GRIK2: variants seen among roughly 807,000 people sequenced by gnomAD.
GRIK2 encodes the protein glutamate receptor ionotropic, kainate 2.
A neutral mutation model predicts 100.3 loss-of-function variants in GRIK2; 32 were observed. That is an observed-to-expected ratio of 0.32 (90% CI 0.24 to 0.43). GRIK2 has a LOEUF of 0.43. Among genes scored for constraint, GRIK2 ranks in the 20% least tolerant of loss-of-function variants. GRIK2 has a pLI of 1.00. For missense variants in GRIK2, 843 were observed against 1,114.9 expected (o/e 0.76, Z 3.47); for synonymous variants, 417 against 389.4 (o/e 1.07, Z -0.83).
intron 7 of GRIK2, among the ~76,000 whole-genome samples, chr6:101,699,680 T>C (rs1772744972): frequency 6.6e-6 from 1 of 151,978 alleles, no homozygotes; most frequent in South Asian, 2.1e-4. Context: ...TACTAAGGAG[T>C]GAAGGACAGA....
intron 7 of GRIK2, among the ~76,000 whole-genome samples, chr6:101,787,549 T>C (rs948168309): frequency 1.3e-5 from 2 of 152,190 alleles, no homozygotes; most frequent in Non-Finnish European, 2.9e-5. Context: ...CTTAATTTAC[T>C]CCATGACCTA....
intron 14 of GRIK2, among the ~76,000 whole-genome samples, chr6:101,994,463 A>AGAAAT (rs1412841573): frequency 6.6e-6 from 1 of 151,904 alleles, no homozygotes; most frequent in Non-Finnish European, 1.5e-5. Context: ...AAATTATGGT[A>AGAAAT]GAAATGAACT....
At chr6:101,716,170 T>G (rs1325333518) in intron 7 of GRIK2, among the ~76,000 whole-genome samples, 1 of 151,782 alleles carries the variant, frequency 6.6e-6, no homozygotes, top group African/African-American at 2.4e-5. Context: ...CTTATGTTCT[T>G]TCAGACCATA....
chr6:101,506,079 A>T (rs1374350914), intron 2 of GRIK2, among the ~76,000 whole-genome samples: 1 of 152,108 alleles, frequency 6.6e-6, no homozygotes, highest in Non-Finnish European at 1.5e-5. Flanking sequence ...CCTTGCTTTC[A>T]TTCAATGAAA....
intron 7 of GRIK2, among the ~76,000 whole-genome samples, chr6:101,718,500 G>A (rs1398819532): frequency 6.6e-6 from 1 of 151,884 alleles, no homozygotes; most frequent in Non-Finnish European, 1.5e-5. Context: ...AAGTATGCAA[G>A]TACTATAAAT....
At chr6:101,753,518 A>G (rs1776934117) in intron 7 of GRIK2, among the ~76,000 whole-genome samples, 2 of 152,082 alleles carry the variant, frequency 1.3e-5, no homozygotes, top group African/African-American at 4.8e-5. Flanking sequence ...TAGATACGTA[A>G]TTATGAATAC....
chr6:101,430,948 A>G (rs1769348508), intron 2 of GRIK2: 2 of 314,634 alleles, frequency 6.4e-6, no homozygotes, highest in East Asian at 8.6e-5. Context: ...GCCTAGGGAA[A>G]GGCATAGCCC....
chr6:101,997,294 C>T (rs922712027), intron 14 of GRIK2, among the ~76,000 whole-genome samples: 4 of 151,978 alleles, frequency 2.6e-5, no homozygotes, highest in African/African-American at 9.7e-5. Context: ...ACCTTCTCAG[C>T]CCCATTGAGA....
chr6:101,929,391 TG>T (rs1790117899), intron 14 of GRIK2, among the ~76,000 whole-genome samples: 2 of 152,208 alleles, frequency 1.3e-5, no homozygotes, highest in African/African-American at 4.8e-5. Flanking sequence ...TTTTGTAGGT[TG>T]GGCAAATTTT....
intron 11 of GRIK2, among the ~76,000 whole-genome samples, chr6:101,884,288 A>G (rs1400660420): frequency 5.3e-5 from 8 of 152,156 alleles, no homozygotes; most frequent in Non-Finnish European, 1.0e-4. Context: ...TTACTACTTT[A>G]ATTATTTTAC....
chr6:102,016,806 A>G (rs1795858800), intron 14 of GRIK2, among the ~76,000 whole-genome samples: 1 of 152,130 alleles, frequency 6.6e-6, no homozygotes, highest in Admixed American at 6.6e-5. Context: ...AGAAGATTAT[A>G]CTCAAGACAC....
At chr6:101,933,322 C>T (rs1469717094) in intron 14 of GRIK2, among the ~76,000 whole-genome samples, 1 of 151,764 alleles carries the variant, frequency 6.6e-6, no homozygotes, top group Non-Finnish European at 1.5e-5. Context: ...CTCTCCTCCT[C>T]TTCCTCCTCT....
chr6:102,056,888 CA>C (rs1167636126), intron 16 of GRIK2, among the ~76,000 whole-genome samples: 1 of 151,828 alleles, frequency 6.6e-6, no homozygotes, highest in African/African-American at 2.4e-5. Context: ...ACTGAAATAA[CA>C]AATTAAAGTT....
chr6:101,419,966 A>G (rs1044779138), intron 2 of GRIK2, among the ~76,000 whole-genome samples: 21 of 152,204 alleles, frequency 1.4e-4, no homozygotes, highest in Non-Finnish European at 2.5e-4. Flanking sequence ...CTTCATCCCC[A>G]AATAAAACAC....
chr6:102,047,067 C>G (rs1275138528), intron 15 of GRIK2, among the ~76,000 whole-genome samples: 3 of 152,036 alleles, frequency 2.0e-5, no homozygotes, highest in Non-Finnish European at 4.4e-5. Flanking sequence ...AAAAGCAGTT[C>G]TATAAGGGAA....
chr6:101,889,016 C>T (rs543773785), intron 11 of GRIK2, among the ~76,000 whole-genome samples: 3 of 151,932 alleles, frequency 2.0e-5, no homozygotes, highest in South Asian at 2.1e-4. Flanking sequence ...TTTCCTAATG[C>T]GATTTAGGCA....
intron 7 of GRIK2, among the ~76,000 whole-genome samples, chr6:101,746,762 T>C (rs371645191): frequency 7.9e-5 from 12 of 152,256 alleles, no homozygotes; most frequent in African/African-American, 2.9e-4. Context: ...TTTCCCTTTG[T>C]AAATACATAT....
intron 14 of GRIK2, among the ~76,000 whole-genome samples, chr6:101,976,704 A>G (rs1392440003): frequency 6.6e-6 from 1 of 151,558 alleles, no homozygotes. Context: ...AAGAAAAAAA[A>G]TGGTCTGTGG....
intron 2 of GRIK2, among the ~76,000 whole-genome samples, chr6:101,578,849 A>G (rs545323987): frequency 1.3e-5 from 2 of 152,206 alleles, no homozygotes; most frequent in Non-Finnish European, 2.9e-5. Context: ...ATCCAGCAAC[A>G]TATAAATTCC....
Sources: allele counts gnomAD v4.1 joint callset (sites outside exome capture counted in the v4.1 genomes callset), GRCh38; gene constraint gnomAD v4.1.1; transcripts MANE v1.5; gene names NCBI Gene and HGNC (gene_info 2026-07-23, HGNC 2026-07-21).